CHST11: variants seen among roughly 807,000 people sequenced by gnomAD.
CHST11 encodes the protein carbohydrate sulfotransferase 11.
A neutral mutation model predicts 30.4 loss-of-function variants in CHST11; 9 were observed. The ratio of observed to expected loss-of-function variants is 0.30; its 90% CI spans 0.18 to 0.52. The LOEUF is 0.52. Ranked by LOEUF, CHST11 falls within the 20% of genes least tolerant of loss-of-function variation. The pLI is 0.97. For missense variants in CHST11, 348 were observed against 460.6 expected (o/e 0.76, Z 2.24); for synonymous variants, 152 against 187.8 (o/e 0.81, Z 1.56).
At chr12:104,577,273 A>C (rs1273458863) in intron 1 of CHST11, among the ~76,000 whole-genome samples, 33 of 140,936 alleles carry the variant, frequency 2.3e-4, no homozygotes, top group Non-Finnish European at 4.2e-4. Flanking sequence ...GGTATTTAAG[A>C]AAATGGTAAA....
intron 1 of CHST11, among the ~76,000 whole-genome samples, chr12:104,580,638 T>C (rs2038734085): frequency 6.6e-6 from 1 of 152,252 alleles, no homozygotes; most frequent in African/African-American, 2.4e-5. Flanking sequence ...GCCCAATTTT[T>C]TCTCTCTACT....
At chr12:104,627,763 T>A (rs1313776510) in intron 2 of CHST11, among the ~76,000 whole-genome samples, 2 of 150,040 alleles carry the variant, frequency 1.3e-5, no homozygotes, top group African/African-American at 4.9e-5. Context: ...CAAAGTGTCT[T>A]CTCAGCATAA....
At chr12:104,483,598 A>G (rs2037649663) in intron 1 of CHST11, among the ~76,000 whole-genome samples, 1 of 152,216 alleles carries the variant, frequency 6.6e-6, no homozygotes, top group Non-Finnish European at 1.5e-5. Flanking sequence ...AATTTTGGAT[A>G]ATAAGAGAAG....
rs183896126 is a variant in CHST11 at position 104,593,739 on chromosome 12, C to T, written c.119-8167C>T. On this transcript the variant is annotated intron_variant, in intron 1 of 2. Coordinates refer to ENST00000303694, the MANE Select transcript of CHST11 (RefSeq NM_018413.6). ...CTTAACTTCTTTGAGCCTCAGCTTC[C>T]TTGTCTGTAAAATGGGTGTGATACG... 2.7e-3 allele frequency among the ~76,000 whole-genome samples: 406 copies of T among 152,270 alleles called. 11 individuals carry two copies. The highest frequency in any genetic ancestry group is 0.026 in the Admixed American group (390 of 15,294).
At chr12:104,468,631 C>T (rs1393257969) in intron 1 of CHST11, among the ~76,000 whole-genome samples, 1 of 152,142 alleles carries the variant, frequency 6.6e-6, no homozygotes, top group East Asian at 1.9e-4. Flanking sequence ...ATCATTCTGC[C>T]CAAATGCCAC....
At chr12:104,478,443 T>C (rs1478021033) in intron 1 of CHST11, among the ~76,000 whole-genome samples, 2 of 152,214 alleles carry the variant, frequency 1.3e-5, no homozygotes, top group South Asian at 2.1e-4. Context: ...ATCTGAATTC[T>C]GGAGTCTCCA....
intron 1 of CHST11, among the ~76,000 whole-genome samples, chr12:104,527,704 T>C (rs796977317): frequency 3.3e-5 from 5 of 152,372 alleles, no homozygotes; most frequent in African/African-American, 1.2e-4. Context: ...CTTAGTGCTC[T>C]ATTAGAAAAG....
chr12:104,475,803 T>TTATA (rs199863408), intron 1 of CHST11, among the ~76,000 whole-genome samples: 1 of 143,136 alleles, frequency 7.0e-6, no homozygotes, highest in Non-Finnish European at 1.5e-5. Flanking sequence ...ATATATGTAT[T>TTATA]TATATGTATA....
intron 2 of CHST11, among the ~76,000 whole-genome samples, chr12:104,612,253 A>T (rs776573826): frequency 1.6e-3 from 247 of 151,906 alleles, no homozygotes; most frequent in Non-Finnish European, 2.6e-3. Context: ...TGGAGGCTGG[A>T]AGTCAGAGAT....
chr12:104,669,581 T>C (rs1331388836), intron 2 of CHST11, among the ~76,000 whole-genome samples: 1 of 152,180 alleles, frequency 6.6e-6, no homozygotes, highest in Non-Finnish European at 1.5e-5. Context: ...ATTGTGTTTG[T>C]AGAGTGCTCC....
chr12:104,655,126 C>G (rs1042335767), intron 2 of CHST11, among the ~76,000 whole-genome samples: 3 of 152,190 alleles, frequency 2.0e-5, no homozygotes, highest in Non-Finnish European at 4.4e-5. Context: ...ACATTCATGT[C>G]CAGTAATAGC....
At chr12:104,610,602 T>C (rs1038164805) in intron 2 of CHST11, among the ~76,000 whole-genome samples, 1 of 152,232 alleles carries the variant, frequency 6.6e-6, no homozygotes, top group African/African-American at 2.4e-5. Flanking sequence ...GATTTTTCTG[T>C]AAATGACACA....
intron 1 of CHST11, among the ~76,000 whole-genome samples, chr12:104,513,167 C>T (rs1229795211): frequency 7.3e-5 from 8 of 109,540 alleles, no homozygotes; most frequent in Non-Finnish European, 1.3e-4. Flanking sequence ...GAGAGGTGGG[C>T]CAGGGTAGTA....
At chr12:104,631,600 T>C (rs1193259962) in intron 2 of CHST11, among the ~76,000 whole-genome samples, 2 of 152,184 alleles carry the variant, frequency 1.3e-5, no homozygotes, top group African/African-American at 2.4e-5. Flanking sequence ...AGTAAAGTTA[T>C]GTTCCAGAGC....
intron 2 of CHST11, among the ~76,000 whole-genome samples, chr12:104,662,688 A>C (rs970049884): frequency 6.6e-6 from 1 of 152,130 alleles, no homozygotes; most frequent in African/African-American, 2.4e-5. Context: ...AGGTCTTTTG[A>C]GAAGAAAGAA....
At chr12:104,753,789 G>T (rs1216356394) in intron 2 of CHST11, among the ~76,000 whole-genome samples, 1 of 152,196 alleles carries the variant, frequency 6.6e-6, no homozygotes, top group Admixed American at 6.5e-5. Context: ...GCAAGGCAGG[G>T]GCAGCCTAGA....
intron 1 of CHST11, among the ~76,000 whole-genome samples, chr12:104,545,386 G>T (rs1192767673): frequency 6.6e-6 from 1 of 152,228 alleles, no homozygotes; most frequent in East Asian, 1.9e-4. Context: ...GCCTTCCCTT[G>T]TGGAGCCTGT....
intron 2 of CHST11, among the ~76,000 whole-genome samples, chr12:104,605,152 C>T: frequency 1.1e-5 from 1 of 93,508 alleles, no homozygotes; most frequent in South Asian, 3.6e-4. Context: ...ATCCCCTCTC[C>T]AAAAAAAAAA....
At chr12:104,748,548 G>C (rs183923133) in intron 2 of CHST11, among the ~76,000 whole-genome samples, 13 of 151,960 alleles carry the variant, frequency 8.6e-5, no homozygotes, top group East Asian at 3.9e-4. Flanking sequence ...GGGGCTGGAG[G>C]GGGGAGGGGG....
Sources: gnomAD v4.1 joint callset for allele counts (sites outside exome capture counted in the v4.1 genomes callset) on GRCh38, gnomAD v4.1.1 for gene constraint, MANE v1.5 for transcripts, NCBI Gene and HGNC (gene_info 2026-07-23, HGNC 2026-07-21) for gene names.